The following ITGA3 variants were observed in gnomAD, a reference collection of about 807,000 sequenced individuals.
ITGA3 encodes the protein integrin alpha-3.
In ITGA3, 70 loss-of-function variants were observed where a neutral mutation model predicts 131.1. The ratio of observed to expected loss-of-function variants is 0.53; its 90% CI spans 0.44 to 0.65. ITGA3 has a LOEUF of 0.65. Among genes scored for constraint, ITGA3 ranks in the 30% least tolerant of loss-of-function variants. ITGA3 has a pLI of 0.00. For missense variants in ITGA3, 1,098 were observed against 1,388.6 expected (o/e 0.79, Z 3.33); for synonymous variants, 537 against 571.6 (o/e 0.94, Z 0.86).
At position 50,064,290 on chromosome 17, in the gene ITGA3, G is replaced by C. The variant is rs891374473; in HGVS notation, c.334+86G>C. 9.3e-6 allele frequency: 14 copies of C among 1,502,724 alleles called. No homozygotes were observed. The African/African-American group carries it at 1.1e-4, about 12-fold the overall frequency. 93.1% of individuals were successfully genotyped at this position (1,502,724 alleles called of 1,614,324 possible). A position where few individuals can be genotyped will look rare whatever the true frequency, so the allele number is the denominator to read the frequency against. On this transcript the variant is annotated intron_variant, in intron 2 of 25. Transcript: ENST00000320031. This position sits in a 1 kb window ranked among gnomAD's most constrained non-coding sequence, Gnocchi z 4.4. ...AGAGAATGGCCTGGAGGAGATAGAA[G>C]GCTTGTTCACACGGCTTCTAGTCGC...
In ITGA3 at chr17:50,087,976, C is replaced by G. The variant is rs146828784; in HGVS notation, c.3045+107C>G. On this transcript the variant is annotated intron_variant, in intron 24 of 25. Coordinates refer to ENST00000320031, the MANE Select transcript of ITGA3 (RefSeq NM_002204.4). ...CTGGTCCTCCCTTCCATCTCACCCC[C>G]ACCCTTCCTCCCTGTCCTCTCCACC... 1,762 of 1,408,966 alleles carry G rather than the reference C, an allele frequency of 1.3e-3. 1 individual carries two copies. The highest frequency in any genetic ancestry group is 1.6e-3 in the Non-Finnish European group (1,648 of 1,050,636). 87.3% of individuals were successfully genotyped at this position (1,408,966 alleles called of 1,614,324 possible). A position where few individuals can be genotyped will look rare whatever the true frequency, so the allele number is the denominator to read the frequency against.
intron 14 of ITGA3, 124 bp downstream of exon 14, chr17:50,076,805 T>C: frequency 8.5e-7 from 1 of 1,171,954 alleles, no homozygotes; most frequent in South Asian, 1.3e-5. Flanking sequence ...CGGGAACAGG[T>C]GGGATGGTCA....
chr17:50,076,616 C>T lies in ITGA3; in HGVS notation c.1857C>T (p.Asn619=), dbSNP rs1908916128. ...VQFQKECGPD[N]KCESNLQMRA... ...TCCAGAAGGAGTGCGGGCCTGACAA[C>T]AAGTGTGAGAGCAACTTGCAGATGC... The change falls in exon 14 of 26, where the codon AAC becomes AAT. Residue 619 remains asparagine, a synonymous_variant. Coordinates refer to ENST00000320031, the MANE Select transcript of ITGA3 (RefSeq NM_002204.4). 2 of 1,613,674 alleles carry T rather than the reference C, an allele frequency of 1.2e-6. No individual in the cohort carries two copies. The highest frequency in any genetic ancestry group is 1.7e-6 in the Non-Finnish European group (2 of 1,179,942).
At chr17:50,076,543 G>GC (rs1317011592) in intron 13 of ITGA3, 41 bp from the exon 14 acceptor site, 2 of 1,285,656 alleles carry the variant, frequency 1.6e-6, no homozygotes, top group Non-Finnish European at 2.0e-6. Flanking sequence ...GAGGGCACTG[G>GC]GGGGGGTGGT....
rs771692430 is a variant in ITGA3, at chr17:50,064,849, G to T, written c.414+242G>T. On this transcript the variant is annotated intron_variant, in intron 3 of 25. Transcript: ENST00000320031. This position sits in a 1 kb window ranked among gnomAD's most constrained non-coding sequence, Gnocchi z 4.4. ...GTTCTCTGACTCATCCACTTCCTCC[G>T]CATGCCTACACTGGGTGCTCAGCCT... 118 of 444,080 alleles carry T rather than the reference G, an allele frequency of 2.7e-4. No homozygotes were observed. Among genetic ancestry groups the T allele is most frequent in the Non-Finnish European group, 4.5e-4 (111 of 248,316 alleles). The allele number at this position is 444,080 out of a possible 1,614,324, so 27.5% of individuals were successfully genotyped here. A position where few individuals can be genotyped will look rare whatever the true frequency, so the allele number is the denominator to read the frequency against.
intron 22 of ITGA3, 33 bp downstream of exon 22, chr17:50,080,408 A>G (rs1376222915): frequency 7.4e-7 from 1 of 1,358,038 alleles, no homozygotes; most frequent in Admixed American, 1.7e-5. Flanking sequence ...CTCTCCTACC[A>G]TCCACCCTGA....
At chr17:50,084,187 C>T (rs1441685592) in intron 23 of ITGA3, among the ~76,000 whole-genome samples, 1 of 141,386 alleles carries the variant, frequency 7.1e-6, no homozygotes, top group East Asian at 2.1e-4. Context: ...GCCAAGATCA[C>T]TCCACTGCAC....
intron 16 of ITGA3, 143 bp downstream of exon 16, chr17:50,077,590 G>A (rs1248040253): frequency 1.5e-6 from 1 of 682,290 alleles, no homozygotes; most frequent in Non-Finnish European, 2.6e-6. Flanking sequence ...AGACTCAGTA[G>A]AGGGTGAGAA....
At position 50,089,125 on chromosome 17, in the gene ITGA3, C is replaced by T. The variant is rs146403036; in HGVS notation, c.*47C>T. The T allele has an allele frequency of 2.0e-3, 3,168 of 1,612,848 alleles. 32 individuals are homozygous for T. In the Admixed American group the frequency reaches 0.026, roughly 13 times the overall value. ...CCAACTCCAGTGTGACTTCTTTAAG[C>T]GGACCCGCTATTATCAGATCATGCC... On this transcript the variant is annotated 3_prime_UTR_variant, in exon 26 of 26. Transcript: ENST00000320031.
At chr17:50,084,246 A>AAAAG (rs1909298972) in intron 23 of ITGA3, among the ~76,000 whole-genome samples, 2 of 150,724 alleles carry the variant, frequency 1.3e-5, no homozygotes, top group East Asian at 3.9e-4. Flanking sequence ...AAAAAAAAAA[A>AAAAG]AAAAAAAAAA....
rs1598190023 is a variant in ITGA3, at chr17:50,075,449, C to T, written c.1470-10C>T. 1 of 1,614,092 alleles carries T rather than the reference C, an allele frequency of 6.2e-7. No individual in the cohort carries two copies. Among genetic ancestry groups the T allele is most frequent in the South Asian group, 1.1e-5 (1 of 91,072 alleles). ...ACTGTGACCCGCCCTCCTGTACATCCCTCCAACAGTGTGCAAGTGGAGCTG... is the reference window on the plus strand; with the variant it reads ...ACTGTGACCCGCCCTCCTGTACATCTCTCCAACAGTGTGCAAGTGGAGCTG... On this transcript the variant is annotated splice_polypyrimidine_tract_variant and intron_variant, in intron 10 of 25. Coordinates refer to ENST00000320031, the MANE Select transcript of ITGA3 (RefSeq NM_002204.4).
Position 50,089,814 on chromosome 17 carries a change from G to A in ITGA3, c.*736G>A, listed in dbSNP as rs534759131. 5 of 168,578 alleles carry A rather than the reference G, an allele frequency of 3.0e-5. No homozygotes were observed. Among genetic ancestry groups the A allele is most frequent in the South Asian group, 1.5e-4 (1 of 6,598 alleles). The allele number at this position is 168,578 out of a possible 1,614,324, so 10.4% of individuals were successfully genotyped here. On this transcript the variant is annotated 3_prime_UTR_variant, in exon 26 of 26. Coordinates refer to ENST00000320031, the MANE Select transcript of ITGA3 (RefSeq NM_002204.4). ...CCTAAGGTTGTCTACGGGGGCACTTGGAGGACCTGGCGTGCTCAGACCCAA... is the reference window on the plus strand; with the variant it reads ...CCTAAGGTTGTCTACGGGGGCACTTAGAGGACCTGGCGTGCTCAGACCCAA...
intron 10 of ITGA3, among the ~76,000 whole-genome samples, chr17:50,075,235 C>A (rs1285365212): frequency 2.0e-5 from 3 of 152,174 alleles, no homozygotes; most frequent in Non-Finnish European, 4.4e-5. Flanking sequence ...CCCTAGGCCT[C>A]AGTTTCCCCA....
chr17:50,066,449 A>G (rs1908351946), intron 3 of ITGA3, among the ~76,000 whole-genome samples: 1 of 151,522 alleles, frequency 6.6e-6, no homozygotes, highest in Non-Finnish European at 1.5e-5. Flanking sequence ...CCTCCCAAGT[A>G]GTTGGGATTA....
intron 3 of ITGA3, among the ~76,000 whole-genome samples, chr17:50,067,369 C>T (rs1239180223): frequency 1.3e-5 from 2 of 152,190 alleles, no homozygotes; most frequent in Admixed American, 6.5e-5. Flanking sequence ...AGAGAGGCTG[C>T]GCATAGATTC....
intron 3 of ITGA3, among the ~76,000 whole-genome samples, chr17:50,067,824 A>G (rs570320711): frequency 6.6e-6 from 1 of 151,956 alleles, no homozygotes; most frequent in East Asian, 1.9e-4. Flanking sequence ...GAGATCTCTA[A>G]GCCACTCTCA....
chr17:50,078,186 A>G, intron 17 of ITGA3, 21 bp from the exon 18 acceptor site: 1 of 1,613,344 alleles, frequency 6.2e-7, no homozygotes, highest in Non-Finnish European at 8.5e-7. Context: ...CACCTTCCTA[A>G]CCCCTGCATT....
At chr17:50,071,557 G>A (rs1019747688) in intron 6 of ITGA3, 39 bp downstream of exon 6, 9 of 1,543,238 alleles carry the variant, frequency 5.8e-6, no homozygotes, top group East Asian at 2.3e-5. Flanking sequence ...CAGGGAGAGC[G>A]ATGGGCGGGG....
At position 50,081,480 on chromosome 17, in the gene ITGA3, A is replaced by G. The variant is rs1415463827; in HGVS notation, c.2919+72A>G. On this transcript the variant is annotated intron_variant, in intron 23 of 25. Transcript: ENST00000320031. ...AGAGTACAGGGCATCTTTTAAGAGG[A>G]CACTGACGCACTTCAGCCATATGGT... 5 of 1,053,716 alleles carry G rather than the reference A, an allele frequency of 4.7e-6. No individual in the cohort carries two copies. In the African/African-American group the frequency reaches 7.9e-5, roughly 17 times the overall value. 65.3% of individuals were successfully genotyped at this position (1,053,716 alleles called of 1,614,324 possible).
Sources: gnomAD v4.1 joint callset for allele counts (sites outside exome capture counted in the v4.1 genomes callset) on GRCh38, gnomAD v4.1.1 for gene constraint, Gnocchi (gnomAD v3.1) non-coding constraint, MANE v1.5 for transcripts, NCBI Gene and HGNC (gene_info 2026-07-23, HGNC 2026-07-21) for gene names.